F9: variants seen among roughly 807,000 people sequenced by gnomAD.
F9 encodes the protein coagulation factor IX.
Under a neutral mutation model 34.1 loss-of-function variants are expected in F9, and 2 were observed. That is an observed-to-expected ratio of 0.06 (90% CI 0.02 to 0.18). The LOEUF is 0.18. Among genes scored for constraint, F9 ranks in the 10% least tolerant of loss-of-function variants. F9 has a pLI of 1.00. For missense variants in F9, 216 were observed against 345.1 expected (o/e 0.63, Z 2.96); for synonymous variants, 137 against 118.8 (o/e 1.15, Z -1.00).
At position 139,562,651 on chromosome X, in the gene F9, C is replaced by G. The variant is rs1928149334; in HGVS notation, c.*580C>G. The G allele has an allele frequency of 8.9e-6, 1 of 112,131 alleles. No homozygotes were observed. The highest frequency in any genetic ancestry group is 9.3e-5 in the Admixed American group (1 of 10,757). The allele number at this position is 112,131 out of a possible 1,213,427, so 9.2% of individuals were successfully genotyped here. ...AATCAGTTTTTCTCTTTCTTACTCC[C>G]TCTCTCCCTTTTACCCTCCATGGTC... On this transcript the variant is annotated 3_prime_UTR_variant, in exon 8 of 8. Coordinates refer to ENST00000218099, the MANE Select transcript of F9 (RefSeq NM_000133.4).
At chrX:139,540,067 A>G (rs887719556) in intron 3 of F9, among the ~76,000 whole-genome samples, 3 of 110,774 alleles carry the variant, frequency 2.7e-5, no homozygotes, top group African/African-American at 9.8e-5. Flanking sequence ...TTTGTTTCTC[A>G]TATATTGAGT....
In F9 at chrX:139,560,869, A is replaced by G. The variant is rs1191212755; in HGVS notation, c.838+14A>G. ...CAGTTGTCGCAGGTAAATACACAGAAAGAATAATAATCTGCAGCACCACTA... is the reference window on the plus strand; with the variant it reads ...CAGTTGTCGCAGGTAAATACACAGAGAGAATAATAATCTGCAGCACCACTA... On this transcript the variant is annotated intron_variant, in intron 7 of 7. Coordinates refer to ENST00000218099, the MANE Select transcript of F9 (RefSeq NM_000133.4). 9.4e-7 allele frequency: 1 copy of G among 1,067,817 alleles called. No individual in the cohort carries two copies. Among genetic ancestry groups the G allele is most frequent in the Admixed American group, 2.2e-5 (1 of 45,861 alleles). 88.0% of individuals were successfully genotyped at this position (1,067,817 alleles called of 1,213,427 possible). A position where few individuals can be genotyped will look rare whatever the true frequency, so the allele number is the denominator to read the frequency against.
chrX:139,541,249 C>T (rs987558832), intron 4 of F9, 60 bp downstream of exon 4: 17 of 778,179 alleles, frequency 2.2e-5, no homozygotes, highest in Non-Finnish European at 3.3e-5. Context: ...CAAGTTGAAA[C>T]TGGAAAATGC....
At chrX:139,543,777 AT>A (rs1019394048) in intron 4 of F9, among the ~76,000 whole-genome samples, 1 of 111,564 alleles carries the variant, frequency 9.0e-6, no homozygotes, top group Non-Finnish European at 1.9e-5. Flanking sequence ...TCTTCAACAG[AT>A]ATTCTAGGCA....
intron 6 of F9, among the ~76,000 whole-genome samples, chrX:139,558,755 A>C (rs975914976): frequency 8.9e-6 from 1 of 112,280 alleles, no homozygotes; most frequent in African/African-American, 3.2e-5. Context: ...CAGTAGATAT[A>C]TAACAGGTCT....
At chrX:139,555,261 G>A (rs892699695) in intron 6 of F9, among the ~76,000 whole-genome samples, 2 of 112,574 alleles carry the variant, frequency 1.8e-5, no homozygotes, top group African/African-American at 6.5e-5. Context: ...CACCTGGCCA[G>A]AGATCAGAGC....
intron 1 of F9, among the ~76,000 whole-genome samples, chrX:139,534,130 A>G (rs1460334291): frequency 8.9e-6 from 1 of 112,023 alleles, no homozygotes; most frequent in African/African-American, 3.2e-5. Flanking sequence ...AATGTGATTA[A>G]GGAAGGAAAA....
At position 139,559,985 on chromosome X, in the gene F9, T is replaced by G. The variant is rs1167973986; in HGVS notation, c.724-756T>G. Among the ~76,000 whole-genome samples the G allele has an allele frequency of 7.1e-5, 8 of 112,256 alleles. No individual in the cohort carries two copies. In the East Asian group the frequency reaches 2.0e-3, roughly 28 times the overall value. On this transcript the variant is annotated intron_variant, in intron 6 of 7. Transcript: ENST00000218099. Reference sequence around the variant, plus strand: ...GTCGACTGTAATTATGCAACGAATATCCAGTTGAGATAATGGACTTGCCTC... The same window carrying G: ...GTCGACTGTAATTATGCAACGAATAGCCAGTTGAGATAATGGACTTGCCTC...
intron 5 of F9, among the ~76,000 whole-genome samples, chrX:139,550,792 A>C (rs182540895): frequency 7.1e-5 from 8 of 112,160 alleles, no homozygotes; most frequent in Non-Finnish European, 1.1e-4. Flanking sequence ...GTCTTACCAA[A>C]TTTGATTCTG....
Position 139,561,918 on chromosome X carries a change from T to C in F9, c.1233T>C (p.Ser411=). 2 of 1,211,913 alleles carry C rather than the reference T, an allele frequency of 1.7e-6. No individual in the cohort carries two copies. The highest frequency in any genetic ancestry group is 2.2e-6 in the Non-Finnish European group (2 of 895,531). ...GTAGAGATTCATGTCAAGGAGATAGTGGGGGACCCCATGTTACTGAAGTGG... is the reference window on the plus strand; with the variant it reads ...GTAGAGATTCATGTCAAGGAGATAGCGGGGGACCCCATGTTACTGAAGTGG... ...EGGRDSCQGD[S]GGPHVTEVEG... The change falls in exon 8 of 8, where the codon AGT becomes AGC. Residue 411 remains serine (S), a synonymous_variant. Transcript: ENST00000218099.
At chrX:139,561,060 G>A (rs1387773243) in intron 7 of F9, among the ~76,000 whole-genome samples, 1 of 111,526 alleles carries the variant, frequency 9.0e-6, no homozygotes, top group Non-Finnish European at 1.9e-5. Flanking sequence ...TCATTTCAGT[G>A]AGGTACAATT....
rs1449454089 is a variant in F9, at chrX:139,563,299, T to C, written c.*1228T>C. On this transcript the variant is annotated 3_prime_UTR_variant, in exon 8 of 8. Transcript: ENST00000218099. ...GGTGCAGCAGGCTCAAAGGCATAAG[T>C]CATTCCAATCAGCCAACTAAGTTGT... The C allele has an allele frequency of 1.8e-5, 2 of 111,007 alleles. No homozygotes were observed. Among genetic ancestry groups the C allele is most frequent in the African/African-American group, 3.3e-5 (1 of 30,520 alleles). 9.1% of individuals were successfully genotyped at this position (111,007 alleles called of 1,213,427 possible).
chrX:139,537,468 T>C (rs1418825899), intron 3 of F9, 82 bp downstream of exon 3: 10 of 820,639 alleles, frequency 1.2e-5, no homozygotes, highest in East Asian at 3.2e-5. Flanking sequence ...AAATAGATAA[T>C]ATATTAAACT....
intron 5 of F9, among the ~76,000 whole-genome samples, chrX:139,550,114 T>A (rs754238530): frequency 6.9e-4 from 78 of 112,234 alleles, no homozygotes; most frequent in African/African-American, 2.4e-3. Flanking sequence ...AACTATTAAG[T>A]GTTATATTTG....
chrX:139,554,682 G>T (rs1927926540), intron 6 of F9, among the ~76,000 whole-genome samples: 2 of 112,598 alleles, frequency 1.8e-5, no homozygotes, highest in Admixed American at 9.4e-5. Context: ...AAGGCATCAA[G>T]AGAAAGCAAG....
intron 4 of F9, among the ~76,000 whole-genome samples, chrX:139,543,245 A>G (rs182718143): frequency 9.0e-6 from 1 of 110,911 alleles, no homozygotes; most frequent in African/African-American, 3.3e-5. Context: ...GTAAACGTTC[A>G]GGGCATGCAT....
rs774612303 is a variant in F9, at chrX:139,530,815, C to G, written c.51C>G (p.Ile17Met). 8.3e-7 allele frequency: 1 copy of G among 1,210,900 alleles called. No individual in the cohort carries two copies. The highest frequency in any genetic ancestry group is 1.7e-5 in the African/African-American group (1 of 57,892). The change falls in exon 1 of 8, where the codon ATC (isoleucine) becomes ATG (methionine). Residue 17 changes from isoleucine to methionine, a missense_variant. This residue lies in a region of F9 where 39 missense variants were observed against 33.3 expected (regional missense o/e 1.17). Transcript: ENST00000218099. The part of the protein sequence containing the change: ...IMAESPGLIT[I>M]CLLGYLLSAE... ...CAGAATCACCAGGCCTCATCACCAT[C>G]TGCCTTTTAGGATATCTACTCAGTG...
chrX:139,546,717 A>AT (rs1927726244), intron 4 of F9, among the ~76,000 whole-genome samples: 1 of 111,965 alleles, frequency 8.9e-6, no homozygotes, highest in Non-Finnish European at 1.9e-5. Flanking sequence ...TTATAATAGC[A>AT]TTAAAAATTA....
intron 1 of F9, among the ~76,000 whole-genome samples, chrX:139,534,171 G>C (rs1927403670): frequency 8.9e-6 from 1 of 111,898 alleles, no homozygotes. Flanking sequence ...AAGAGCTAAA[G>C]AGAATTGAGA....
Sources: allele counts gnomAD v4.1 joint callset (sites outside exome capture counted in the v4.1 genomes callset), GRCh38; gene constraint gnomAD v4.1.1; regional missense constraint gnomAD v4.1.1; transcripts MANE v1.5; gene names NCBI Gene and HGNC (gene_info 2026-07-23, HGNC 2026-07-21).